ZBTB7C: variants seen among roughly 807,000 people sequenced by gnomAD.
ZBTB7C encodes the protein zinc finger and BTB domain-containing protein 7C.
In ZBTB7C, 8 loss-of-function variants were observed where a neutral mutation model predicts 25.7. That is an observed-to-expected ratio of 0.31 (90% confidence interval 0.18 to 0.56). The LOEUF (loss-of-function observed/expected upper bound fraction) is 0.56. ZBTB7C is among the 20% of genes least tolerant of loss of function. The probability of loss-of-function intolerance (pLI) is 0.91; values close to 1 mark genes in which losing one functional copy is unlikely to be tolerated. For synonymous variants in ZBTB7C, 394 were observed against 369.0 expected, an observed-to-expected ratio of 1.07 and a Z score of -0.78; for missense variants, 824 against 855.2, an observed-to-expected ratio of 0.96 and a Z score of 0.46.
intron 1 of ZBTB7C, among the ~76,000 whole-genome samples, chr18:48,385,879 A>G (rs2047735702): frequency 6.6e-6 from 1 of 152,218 alleles, no homozygotes; most frequent in African/African-American, 2.4e-5. Context: ...AAGCTCCCTC[A>G]GAGTGGCCTT....
At position 48,167,597 on chromosome 18, in the gene ZBTB7C, TGC is replaced by T. The variant is rs1555705445; in HGVS notation, c.-17+18335_-17+18336del. On this transcript the variant is annotated intron_variant, in intron 3 of 4. Coordinates refer to ENST00000590800, the MANE Select transcript of ZBTB7C (RefSeq NM_001318841.2). ...GTGTGTGTGTGTGTGTGTGTGTGTG[TGC>T]GCGCGTGCACACGCGCATGCGCCAG... 2.4e-3 allele frequency among the ~76,000 whole-genome samples: 353 copies of T among 148,134 alleles called. 1 individual carries two copies. The highest frequency in any genetic ancestry group is 6.5e-3 in the African/African-American group (265 of 40,542).
At chr18:48,116,058 G>A (rs1417007870) in intron 3 of ZBTB7C, among the ~76,000 whole-genome samples, 1 of 151,900 alleles carries the variant, frequency 6.6e-6, no homozygotes, top group Non-Finnish European at 1.5e-5. Flanking sequence ...TCTTTTGCAT[G>A]TATCAAGTGC....
At chr18:48,339,518 A>T (rs2046542005) in intron 1 of ZBTB7C, among the ~76,000 whole-genome samples, 1 of 152,246 alleles carries the variant, frequency 6.6e-6, no homozygotes, top group South Asian at 2.1e-4. Context: ...AAAGACTAGG[A>T]AACAGATGCA....
At chr18:48,119,333 C>A (rs910441605) in intron 3 of ZBTB7C, among the ~76,000 whole-genome samples, 1 of 152,250 alleles carries the variant, frequency 6.6e-6, no homozygotes, top group Non-Finnish European at 1.5e-5. Flanking sequence ...TGAGAAGGAG[C>A]CAGAACATCA....
chr18:48,395,499 G>C (rs2048010561), intron 1 of ZBTB7C, among the ~76,000 whole-genome samples: 1 of 149,696 alleles, frequency 6.7e-6, no homozygotes, highest in Non-Finnish European at 1.5e-5. Flanking sequence ...GTGTGTCAGA[G>C]GGGTTGGGGG....
At chr18:48,330,898 G>C (rs1018053470) in intron 2 of ZBTB7C, among the ~76,000 whole-genome samples, 1 of 152,178 alleles carries the variant, frequency 6.6e-6, no homozygotes, top group Non-Finnish European at 1.5e-5. Flanking sequence ...CTCAGCTGCA[G>C]AATGTGGGCG....
chr18:48,338,679 C>T (rs1218646594), intron 1 of ZBTB7C, among the ~76,000 whole-genome samples: 4 of 152,178 alleles, frequency 2.6e-5, no homozygotes, highest in Admixed American at 1.3e-4. Context: ...TTTCATCTGC[C>T]TGAAAGACTC....
intron 4 of ZBTB7C, among the ~76,000 whole-genome samples, chr18:48,033,070 A>C (rs1379478203): frequency 6.6e-6 from 1 of 152,112 alleles, no homozygotes; most frequent in African/African-American, 2.4e-5. Context: ...CAGACCCACC[A>C]CCAACTTGCT....
At chr18:48,276,987 G>A (rs1374169278) in intron 2 of ZBTB7C, among the ~76,000 whole-genome samples, 1 of 151,484 alleles carries the variant, frequency 6.6e-6, no homozygotes. Flanking sequence ...TTTAATGATT[G>A]CCATTCTAAC....
intron 1 of ZBTB7C, among the ~76,000 whole-genome samples, chr18:48,384,552 C>G (rs1452051491): frequency 6.6e-6 from 1 of 152,234 alleles, no homozygotes; most frequent in Non-Finnish European, 1.5e-5. Flanking sequence ...TTGTCCAACC[C>G]ACAGCCTGTG....
intron 3 of ZBTB7C, chr18:48,180,510 T>C: frequency 2.7e-6 from 1 of 364,552 alleles, no homozygotes; most frequent in Non-Finnish European, 5.4e-6. Flanking sequence ...CAGGCATGGG[T>C]GGTGTTTGGG....
rs184905397 is a variant in ZBTB7C at position 48,141,570 on chromosome 18, G to C, written c.-17+44364C>G. Among the ~76,000 whole-genome samples the C allele has an allele frequency of 3.7e-3, 566 of 151,396 alleles. 4 individuals are homozygous for C. Among genetic ancestry groups the C allele is most frequent in the African/African-American group, 0.013 (536 of 40,806 alleles). On this transcript the variant is annotated intron_variant, in intron 3 of 4. Coordinates refer to ENST00000590800, the MANE Select transcript of ZBTB7C (RefSeq NM_001318841.2). ...AGAAAATTCGTGAACTGGGCGGGGG[G>C]GAAAGTAACCCATAATCTCATCACA...
Position 48,216,904 on chromosome 18 carries a change from T to C in ZBTB7C, c.-78-30909A>G, listed in dbSNP as rs562753594. Among the ~76,000 whole-genome samples the C allele has an allele frequency of 2.0e-5, 3 of 152,330 alleles. 1 individual carries two copies. In the East Asian group the frequency reaches 5.8e-4, roughly 29 times the overall value. ...ACACTGCAGATGTAATTAATTAGGATGAGGTCATACCGGATGAGAGTAGGT... is the reference window on the plus strand; with the variant it reads ...ACACTGCAGATGTAATTAATTAGGACGAGGTCATACCGGATGAGAGTAGGT... On this transcript the variant is annotated intron_variant, in intron 2 of 4. Coordinates refer to ENST00000590800, the MANE Select transcript of ZBTB7C (RefSeq NM_001318841.2).
chr18:48,152,457 T>A (rs185143509), intron 3 of ZBTB7C, among the ~76,000 whole-genome samples: 167 of 152,258 alleles, frequency 1.1e-3, no homozygotes, highest in African/African-American at 3.8e-3. Context: ...CTCAGATAGA[T>A]GATTGATGGA....
chr18:48,295,500 G>A (rs564686433), intron 2 of ZBTB7C, among the ~76,000 whole-genome samples: 4 of 152,216 alleles, frequency 2.6e-5, no homozygotes, highest in South Asian at 2.1e-4. Flanking sequence ...TCCCTTCCCC[G>A]GCAGACCCAG....
At chr18:48,169,081 GCT>G (rs1478040211) in intron 3 of ZBTB7C, among the ~76,000 whole-genome samples, 2 of 152,356 alleles carry the variant, frequency 1.3e-5, no homozygotes, top group East Asian at 3.9e-4. Context: ...TGTCCAGATG[GCT>G]GCATGGGGCA....
chr18:48,060,306 G>T (rs2037079271), intron 3 of ZBTB7C, among the ~76,000 whole-genome samples: 1 of 152,196 alleles, frequency 6.6e-6, no homozygotes, highest in African/African-American at 2.4e-5. Flanking sequence ...GAAAGGCAGG[G>T]CATGCAGGGA....
chr18:48,251,446 T>C (rs969845082), intron 2 of ZBTB7C, among the ~76,000 whole-genome samples: 5 of 152,140 alleles, frequency 3.3e-5, no homozygotes, highest in African/African-American at 1.2e-4. Flanking sequence ...TCAGTAAGGA[T>C]TTCCTTTTAA....
At chr18:48,066,146 C>A (rs576686208) in intron 3 of ZBTB7C, among the ~76,000 whole-genome samples, 1 of 152,324 alleles carries the variant, frequency 6.6e-6, no homozygotes, top group African/African-American at 2.4e-5. Flanking sequence ...TCTCCTGAGG[C>A]CCCATAATCC....
Sources: gnomAD v4.1 joint callset for allele counts (sites outside exome capture counted in the v4.1 genomes callset) on GRCh38, gnomAD v4.1.1 for gene constraint, MANE v1.5 for transcripts, NCBI Gene and HGNC (gene_info 2026-07-23, HGNC 2026-07-21) for gene names.